Variants in SYN3 observed in about 807,000 individuals in gnomAD.
SYN3 encodes synapsin-3.
A neutral mutation model predicts 65.8 loss-of-function variants in SYN3; 35 were observed. The observed-to-expected ratio is 0.53, with a 90% confidence interval of 0.41 to 0.70. The LOEUF (loss-of-function observed/expected upper bound fraction) is 0.70. Ranked by LOEUF, SYN3 falls within the 30% of genes least tolerant of loss-of-function variation. The pLI is 0.00. For synonymous variants in SYN3, 270 were observed against 292.9 expected (o/e 0.92, Z 0.80); for missense variants, 680 against 749.0 (o/e 0.91, Z 1.08).
At chr22:32,956,982 C>T (rs1261018472) in intron 3 of SYN3, among the ~76,000 whole-genome samples, 1 of 152,080 alleles carries the variant, frequency 6.6e-6, no homozygotes, top group Non-Finnish European at 1.5e-5. Context: ...GCAAGACAGC[C>T]CGTGTGGATG....
chr22:32,670,455 AG>A (rs1245438763), intron 6 of SYN3, among the ~76,000 whole-genome samples: 1 of 152,244 alleles, frequency 6.6e-6, no homozygotes, highest in African/African-American at 2.4e-5. Context: ...TAAACATTCA[AG>A]TTACAGCAAG....
intron 6 of SYN3, among the ~76,000 whole-genome samples, chr22:32,774,803 A>C (rs557779721): frequency 6.6e-6 from 1 of 152,274 alleles, no homozygotes; most frequent in East Asian, 1.9e-4. Flanking sequence ...CATGTTGGTC[A>C]GGCTGGTCTT....
chr22:32,936,206 TAAAC>T (rs1440291063), intron 3 of SYN3, among the ~76,000 whole-genome samples: 1 of 152,210 alleles, frequency 6.6e-6, no homozygotes, highest in Non-Finnish European at 1.5e-5. Context: ...ACTCCCATCT[TAAAC>T]AACAATAAAG....
chr22:32,917,268 G>GT (rs919274410), intron 4 of SYN3, among the ~76,000 whole-genome samples: 4 of 152,246 alleles, frequency 2.6e-5, no homozygotes, highest in African/African-American at 7.2e-5. Context: ...CAATGCTAGT[G>GT]TTTTTTTCCA....
At position 32,680,219 on chromosome 22, in the gene SYN3, C is replaced by A. The variant is rs895633477; in HGVS notation, c.712-83483G>T. Among the ~76,000 whole-genome samples the A allele has an allele frequency of 2.0e-5, 3 of 152,196 alleles. No individual in the cohort carries two copies. In the East Asian group the frequency reaches 5.8e-4, roughly 29 times the overall value. On this transcript the variant is annotated intron_variant, in intron 6 of 13. Transcript: ENST00000358763. ...CATTCTAGCCACATCCTCAGATATT[C>A]TCTTTCCTTTTCTGTGGCTCCAGCT... is the stretch of plus-strand genomic sequence containing the variant.
At chr22:32,637,919 A>G (rs2059841844) in intron 6 of SYN3, among the ~76,000 whole-genome samples, 1 of 152,134 alleles carries the variant, frequency 6.6e-6, no homozygotes, top group South Asian at 2.1e-4. Flanking sequence ...GATTACAGGC[A>G]TGAGCCACCG....
intron 7 of SYN3, among the ~76,000 whole-genome samples, chr22:32,567,916 G>A (rs12168395): frequency 0.022 from 3,356 of 152,286 alleles, 114 homozygotes; most frequent in African/African-American, 0.076. Flanking sequence ...TGCCAACCCT[G>A]ATTTGGGCCA....
chr22:32,858,971 AT>A (rs1241596904), intron 6 of SYN3, among the ~76,000 whole-genome samples: 1 of 152,218 alleles, frequency 6.6e-6, no homozygotes, highest in Non-Finnish European at 1.5e-5. Context: ...TGTGATAAGA[AT>A]TAAAGAGAAT....
intron 6 of SYN3, among the ~76,000 whole-genome samples, chr22:32,851,421 C>T (rs1434271935): frequency 5.3e-5 from 8 of 152,116 alleles, no homozygotes; most frequent in Non-Finnish European, 1.2e-4. Flanking sequence ...TGGTGTCAGA[C>T]CAGCCACGGG....
intron 1 of SYN3, among the ~76,000 whole-genome samples, chr22:33,033,863 C>G (rs187810604): frequency 2.0e-5 from 3 of 152,092 alleles, no homozygotes; most frequent in Non-Finnish European, 2.9e-5. Flanking sequence ...CAACACAGGT[C>G]TCCAAGGTAC....
At chr22:32,943,284 C>A (rs1353984460) in intron 3 of SYN3, among the ~76,000 whole-genome samples, 2 of 152,102 alleles carry the variant, frequency 1.3e-5, no homozygotes, top group Non-Finnish European at 2.9e-5. Context: ...AGAGTGAGGG[C>A]CAATATTCAA....
intron 6 of SYN3, among the ~76,000 whole-genome samples, chr22:32,664,991 C>CTTTTT (rs564943069): frequency 1.5e-5 from 1 of 68,950 alleles, no homozygotes; most frequent in South Asian, 5.9e-4. Context: ...ATGTATAATT[C>CTTTTT]TTTTTTTTTT....
intron 1 of SYN3, among the ~76,000 whole-genome samples, chr22:33,030,032 G>C (rs1054929748): frequency 6.6e-6 from 1 of 152,132 alleles, no homozygotes; most frequent in Non-Finnish European, 1.5e-5. Flanking sequence ...CTCTAGGAAG[G>C]CTTCCCTGAC....
At chr22:32,944,998 C>G (rs1050648322) in intron 3 of SYN3, among the ~76,000 whole-genome samples, 2 of 152,194 alleles carry the variant, frequency 1.3e-5, no homozygotes, top group African/African-American at 4.8e-5. Flanking sequence ...TGTGAAGGAT[C>G]TCTTCAAGGA....
At chr22:32,841,870 G>A (rs1025289233) in intron 6 of SYN3, among the ~76,000 whole-genome samples, 1 of 152,054 alleles carries the variant, frequency 6.6e-6, no homozygotes, top group African/African-American at 2.4e-5. Context: ...TAAAAAAAAA[G>A]TTCATGAGAG....
intron 1 of SYN3, among the ~76,000 whole-genome samples, chr22:33,007,142 A>G (rs1286424171): frequency 6.6e-6 from 1 of 152,248 alleles, no homozygotes; most frequent in Non-Finnish European, 1.5e-5. Flanking sequence ...AGTCAACTAC[A>G]GCACAGTTAC....
At chr22:32,630,329 G>T (rs1257890220) in intron 6 of SYN3, among the ~76,000 whole-genome samples, 1 of 152,154 alleles carries the variant, frequency 6.6e-6, no homozygotes, top group East Asian at 1.9e-4. Flanking sequence ...TACCCAGGTT[G>T]GGTTAAAGTG....
chr22:33,057,028 G>A (rs1307204077), intron 1 of SYN3, among the ~76,000 whole-genome samples: 2 of 152,240 alleles, frequency 1.3e-5, no homozygotes, highest in Non-Finnish European at 2.9e-5. Flanking sequence ...GCAGAAGCAA[G>A]CATTACACGG....
chr22:32,857,212 G>T, intron 6 of SYN3: 1 of 1,538,616 alleles, frequency 6.5e-7, no homozygotes, highest in Non-Finnish European at 9.0e-7. Context: ...TGTCCAAACT[G>T]GGAAAGAAGA....
Sources: gnomAD v4.1 joint callset for allele counts (sites outside exome capture counted in the v4.1 genomes callset) on GRCh38, gnomAD v4.1.1 for gene constraint, MANE v1.5 for transcripts, NCBI Gene and HGNC (gene_info 2026-07-23, HGNC 2026-07-21) for gene names.